BMP3: variants seen among roughly 807,000 people sequenced by gnomAD.
BMP3 encodes the protein bone morphogenetic protein 3 (osteogenic).
A neutral mutation model predicts 38.1 loss-of-function variants in BMP3; 23 were observed. The observed-to-expected ratio is 0.60, with a 90% CI of 0.43 to 0.86. BMP3 has a LOEUF of 0.86. Ranked by LOEUF, BMP3 falls within the 40% of genes least tolerant of loss-of-function variation. The pLI is 0.00. For missense variants in BMP3, 628 were observed against 579.6 expected, an observed-to-expected ratio of 1.08 and a Z score of -0.86; for synonymous variants, 258 against 225.7, an observed-to-expected ratio of 1.14 and a Z score of -1.28.
intron 1 of BMP3, among the ~76,000 whole-genome samples, chr4:81,043,487 C>A (rs1262458693): frequency 6.7e-6 from 1 of 149,898 alleles, no homozygotes; most frequent in African/African-American, 2.5e-5. Context: ...CTTTTTTTTT[C>A]TTTTTTGACA....
rs1478513380 is a variant in BMP3, at chr4:81,057,510, G to A, written c.*3974G>A. The A allele has an allele frequency of 6.6e-6, 1 of 151,976 alleles. No homozygotes were observed. Among genetic ancestry groups the A allele is most frequent in the Non-Finnish European group, 1.5e-5 (1 of 67,950 alleles). The allele number at this position is 151,976 out of a possible 1,614,324, so 9.4% of individuals were successfully genotyped here. A position where few individuals can be genotyped will look rare whatever the true frequency, so the allele number is the denominator to read the frequency against. On this transcript the variant is annotated 3_prime_UTR_variant, in exon 3 of 3. Transcript: ENST00000282701. ...GAAAAGCTATTCATTATACAGTATG[G>A]AAATAAAAATTGCTTCATTGACCAT...
chr4:81,033,194 C>T (rs75668149), intron 1 of BMP3, among the ~76,000 whole-genome samples: 6,653 of 152,216 alleles, frequency 0.044, 484 homozygotes, highest in African/African-American at 0.15. Context: ...AGATAAAAAA[C>T]AATATGTTTG....
chr4:81,044,363 T>C (rs1000800991), intron 1 of BMP3, among the ~76,000 whole-genome samples: 2 of 152,172 alleles, frequency 1.3e-5, no homozygotes, highest in African/African-American at 4.8e-5. Flanking sequence ...CTTGCTAACC[T>C]TTTTTTGTCT....
chr4:81,031,098 C>G lies in BMP3; in HGVS notation c.-187C>G. The G allele has an allele frequency of 1.6e-6, 1 of 621,242 alleles. No homozygotes were observed. Among genetic ancestry groups the G allele is most frequent in the Non-Finnish European group, 2.7e-6 (1 of 372,482 alleles). The allele number at this position is 621,242 out of a possible 1,614,324, so 38.5% of individuals were successfully genotyped here. On this transcript the variant is annotated 5_prime_UTR_variant, in exon 1 of 3. Coordinates refer to ENST00000282701, the MANE Select transcript of BMP3 (RefSeq NM_001201.5). Reference sequence around the variant, plus strand: ...GCTGGGGAAGAGCCCACCTGTCAGGCTGCGCTGGGTCAGCGCAGCAAGTGG... The same window carrying G: ...GCTGGGGAAGAGCCCACCTGTCAGGGTGCGCTGGGTCAGCGCAGCAAGTGG...
At chr4:81,049,436 T>C (rs1740347243) in intron 2 of BMP3, among the ~76,000 whole-genome samples, 1 of 152,148 alleles carries the variant, frequency 6.6e-6, no homozygotes. Context: ...GAACTCATCA[T>C]AATATTTGTC....
chr4:81,039,357 A>G (rs1740005458), intron 1 of BMP3, among the ~76,000 whole-genome samples: 1 of 152,166 alleles, frequency 6.6e-6, no homozygotes. Context: ...CATTTAGTCT[A>G]TTTGTTTTAA....
chr4:81,034,204 A>T (rs1323215823), intron 1 of BMP3, among the ~76,000 whole-genome samples: 1 of 151,952 alleles, frequency 6.6e-6, no homozygotes, highest in Middle Eastern at 3.2e-3. Context: ...CCTGAATGCT[A>T]TGTAGTTGGT....
intron 2 of BMP3, among the ~76,000 whole-genome samples, chr4:81,049,891 GT>G (rs1431948969): frequency 2.6e-5 from 4 of 152,168 alleles, no homozygotes; most frequent in Non-Finnish European, 5.9e-5. Flanking sequence ...TTTAGATATA[GT>G]TTTTGCCCCA....
intron 1 of BMP3, among the ~76,000 whole-genome samples, chr4:81,038,812 A>G (rs5022942): frequency 0.59 from 90,236 of 152,118 alleles, 31,659 homozygotes; most frequent in Non-Finnish European, 0.78. Context: ...TAAGTGCTCC[A>G]GGCTGTGTGA....
intron 1 of BMP3, among the ~76,000 whole-genome samples, chr4:81,045,472 T>C (rs1740204151): frequency 6.6e-6 from 1 of 152,220 alleles, no homozygotes; most frequent in African/African-American, 2.4e-5. Flanking sequence ...GAAGTCCAGT[T>C]TATTTTATAA....
At chr4:81,047,797 T>G (rs761360625) in intron 2 of BMP3, among the ~76,000 whole-genome samples, 36 of 152,088 alleles carry the variant, frequency 2.4e-4, no homozygotes, top group Non-Finnish European at 4.1e-4. Flanking sequence ...GGCTTTAGTC[T>G]GGCACAGTGG....
chr4:81,037,958 C>T (rs1739966701), intron 1 of BMP3, among the ~76,000 whole-genome samples: 1 of 152,008 alleles, frequency 6.6e-6, no homozygotes, highest in Non-Finnish European at 1.5e-5. Context: ...TGACGGAGCT[C>T]AGAAATATGT....
In BMP3 at chr4:81,031,163, C is replaced by T. The variant is rs552432980; in HGVS notation, c.-122C>T. 3.5e-5 allele frequency: 38 copies of T among 1,091,288 alleles called. No homozygotes were observed. Among genetic ancestry groups the T allele is most frequent in the East Asian group, 3.5e-4 (13 of 37,540 alleles). The allele number at this position is 1,091,288 out of a possible 1,614,324, so 67.6% of individuals were successfully genotyped here. A position where few individuals can be genotyped will look rare whatever the true frequency, so the allele number is the denominator to read the frequency against. On this transcript the variant is annotated 5_prime_UTR_variant, in exon 1 of 3. Transcript: ENST00000282701. ...TCGCTGCACCCGGCCGCGTCCCGGGCTCCGTGCGCCCTCGCCCCAGCTGGT... is the reference window on the plus strand; with the variant it reads ...TCGCTGCACCCGGCCGCGTCCCGGGTTCCGTGCGCCCTCGCCCCAGCTGGT...
Position 81,053,480 on chromosome 4 carries a change from A to G in BMP3, c.1363A>G (p.Asn455Asp). Residue 455 changes from asparagine (N) to aspartate (D), a missense_variant, in exon 3 of 3, where the codon AAT (asparagine) becomes GAT (aspartate). Asn to Asp is a conservative substitution (Grantham distance 23). Transcript: ENST00000282701. ...TATTTTATTCTTTGATGAAAATAAG[A>G]ATGTAGTGCTTAAAGTATACCCTAA... ...LSILFFDENKNVVLKVYPNMT... is the reference protein window; with the variant it reads ...LSILFFDENKDVVLKVYPNMT... The G allele has an allele frequency of 6.2e-7, 1 of 1,608,952 alleles. No individual in the cohort carries two copies. The highest frequency in any genetic ancestry group is 1.1e-5 in the South Asian group (1 of 90,188).
chr4:81,033,610 T>C (rs1176042648), intron 1 of BMP3, among the ~76,000 whole-genome samples: 1 of 152,212 alleles, frequency 6.6e-6, no homozygotes, highest in African/African-American at 2.4e-5. Flanking sequence ...TCATGTTACC[T>C]CATTGAGGCT....
chr4:81,041,667 TA>T, intron 1 of BMP3, among the ~76,000 whole-genome samples: 1 of 152,338 alleles, frequency 6.6e-6, no homozygotes, highest in South Asian at 2.1e-4. Context: ...CTTCAATAAC[TA>T]AGTTAATTGT....
chr4:81,050,209 G>A (rs1578300276), intron 2 of BMP3, among the ~76,000 whole-genome samples: 1 of 152,166 alleles, frequency 6.6e-6, no homozygotes, highest in African/African-American at 2.4e-5. Context: ...CCCTGCTAAT[G>A]CATTTGTAAT....
At chr4:81,032,161 T>C (rs1489128714) in intron 1 of BMP3, among the ~76,000 whole-genome samples, 1 of 142,186 alleles carries the variant, frequency 7.0e-6, no homozygotes, top group African/African-American at 2.7e-5. Context: ...TACTGTACTA[T>C]ATTTGACACT....
Position 81,053,466 on chromosome 4 carries a change from T to G in BMP3, c.1349T>G (p.Phe450Cys). The change falls in exon 3 of 3, where the codon TTT (phenylalanine) becomes TGT (cysteine). Residue 450 changes from phenylalanine (F) to cysteine (C), a missense_variant. Coordinates refer to ENST00000282701, the MANE Select transcript of BMP3 (RefSeq NM_001201.5). The part of the protein sequence containing the change: ...EKMSSLSILF[F>C]DENKNVVLKV... ...ATGTCCTCACTCAGTATTTTATTCT[T>G]TGATGAAAATAAGAATGTAGTGCTT... 1 of 1,609,912 alleles carries G rather than the reference T, an allele frequency of 6.2e-7. No individual in the cohort carries two copies. Among genetic ancestry groups the G allele is most frequent in the South Asian group, 1.1e-5 (1 of 90,342 alleles).
Sources: gnomAD v4.1 joint callset for allele counts (sites outside exome capture counted in the v4.1 genomes callset) on GRCh38, gnomAD v4.1.1 for gene constraint, MANE v1.5 for transcripts, NCBI Gene and HGNC (gene_info 2026-07-23, HGNC 2026-07-21) for gene names.